Variants in RUNX2 observed in about 807,000 individuals in gnomAD.
RUNX2 encodes the protein runt-related transcription factor 2.
Under a neutral mutation model 51.7 loss-of-function variants are expected in RUNX2, and 10 were observed. The ratio of observed to expected loss-of-function variants is 0.19; its 90% CI spans 0.12 to 0.33. The LOEUF is 0.33. RUNX2 is among the 10% of genes least tolerant of loss of function. The pLI is 1.00. For synonymous variants in RUNX2, 276 were observed against 273.6 expected, an observed-to-expected ratio of 1.01 and a Z score of -0.09; for missense variants, 562 against 691.3, an observed-to-expected ratio of 0.81 and a Z score of 2.10.
chr6:45,398,871 CTG>C (rs1797637143), intron 2 of RUNX2, among the ~76,000 whole-genome samples: 1 of 152,182 alleles, frequency 6.6e-6, no homozygotes, highest in Non-Finnish European at 1.5e-5. Context: ...TTGAGACACA[CTG>C]TGGCTATGTA....
chr6:45,339,530 A>G (rs1304047546), intron 2 of RUNX2, among the ~76,000 whole-genome samples: 1 of 152,162 alleles, frequency 6.6e-6, no homozygotes, highest in African/African-American at 2.4e-5. Context: ...TAGAGGTGAT[A>G]GTCAATGGTT....
chr6:45,545,401 A>G, intron 8 of RUNX2, 119 bp downstream of exon 8: 4 of 1,095,718 alleles, frequency 3.7e-6, no homozygotes, highest in Non-Finnish European at 3.8e-6. Context: ...GTCACTTTTT[A>G]TTACAAATGC....
At chr6:45,350,822 T>C (rs1042412303) in intron 2 of RUNX2, among the ~76,000 whole-genome samples, 1 of 152,152 alleles carries the variant, frequency 6.6e-6, no homozygotes, top group African/African-American at 2.4e-5. Flanking sequence ...ATGAAGTCTT[T>C]ACATTTTCAG....
At chr6:45,447,116 A>AT (rs1332674884) in intron 5 of RUNX2, among the ~76,000 whole-genome samples, 1 of 152,214 alleles carries the variant, frequency 6.6e-6, no homozygotes, top group African/African-American at 2.4e-5. Flanking sequence ...ACATAGAATC[A>AT]TTTTTTGGGA....
intron 6 of RUNX2, among the ~76,000 whole-genome samples, chr6:45,493,731 T>TGC (rs1800556561): frequency 3.9e-5 from 2 of 50,736 alleles, no homozygotes; most frequent in South Asian, 1.0e-3. Flanking sequence ...ATCCTTAGAC[T>TGC]GTGTGTGTGT....
chr6:45,328,797 A>T lies in RUNX2; in HGVS notation c.58+13A>T. The T allele has an allele frequency of 1.9e-6, 3 of 1,611,394 alleles. No homozygotes were observed. On this transcript the variant is annotated intron_variant, in intron 2 of 8. Transcript: ENST00000647337. ...AACTTCTTTTGGGGTAAGTGTTACC[A>T]TTTTTAAAATCCTGTAAGATATGAA... is the stretch of plus-strand genomic sequence containing the variant.
rs35210688 is a variant in RUNX2 at position 45,519,790 on chromosome 6, ATGTGTGTGTGTGTGTG to A, written c.1021+7415_1021+7430del. ...AGGATGCTATTATATATATATATAT[ATGTGTGTGTGTGTGTG>A]TGTGTGTGTGTGTGTGTGTGTGTGT... is the stretch of plus-strand genomic sequence containing the variant. On this transcript the variant is annotated intron_variant, in intron 7 of 8. Transcript: ENST00000647337. Among the ~76,000 whole-genome samples, 673 of 124,124 alleles carry A rather than the reference ATGTGTGTGTGTGTGTG, an allele frequency of 5.4e-3. 10 individuals carry two copies. The highest frequency in any genetic ancestry group is 0.032 in the East Asian group (150 of 4,620). 81.4% of individuals were successfully genotyped at this position (124,124 alleles called of 152,430 possible). A position where few individuals can be genotyped will look rare whatever the true frequency, so the allele number is the denominator to read the frequency against.
chr6:45,439,177 G>C (rs115354589), intron 5 of RUNX2, among the ~76,000 whole-genome samples: 2,122 of 152,248 alleles, frequency 0.014, 28 homozygotes, highest in Non-Finnish European at 0.021. Flanking sequence ...CTGCTTGCCT[G>C]AACTAGGGAG....
At chr6:45,458,738 C>G (rs921484819) in intron 5 of RUNX2, among the ~76,000 whole-genome samples, 5 of 152,172 alleles carry the variant, frequency 3.3e-5, no homozygotes, top group African/African-American at 1.2e-4. Context: ...ACATAAAACT[C>G]ATATGTAATA....
chr6:45,375,458 T>G (rs778002262), intron 2 of RUNX2, among the ~76,000 whole-genome samples: 15 of 152,344 alleles, frequency 9.8e-5, no homozygotes, highest in Middle Eastern at 3.4e-3. Context: ...TTGTATATTA[T>G]GAGCTATTCT....
At chr6:45,353,307 C>A (rs972274244) in intron 2 of RUNX2, among the ~76,000 whole-genome samples, 2 of 151,796 alleles carry the variant, frequency 1.3e-5, no homozygotes, top group African/African-American at 4.8e-5. Context: ...AAAAATTCAT[C>A]TGGAAAAATA....
intron 5 of RUNX2, among the ~76,000 whole-genome samples, chr6:45,442,155 T>A (rs1329135851): frequency 6.6e-6 from 1 of 152,260 alleles, no homozygotes; most frequent in African/African-American, 2.4e-5. Context: ...AGCCGATGAC[T>A]TATTAGAACC....
chr6:45,501,236 C>T (rs1257171098), intron 6 of RUNX2, among the ~76,000 whole-genome samples: 1 of 152,162 alleles, frequency 6.6e-6, no homozygotes, highest in Non-Finnish European at 1.5e-5. Context: ...TTAATATATC[C>T]CAAGTTTGTG....
intron 2 of RUNX2, among the ~76,000 whole-genome samples, chr6:45,400,775 G>A (rs1017217774): frequency 2.0e-5 from 3 of 152,156 alleles, no homozygotes; most frequent in African/African-American, 7.2e-5. Flanking sequence ...GAGCTTTACC[G>A]AAGGTAAAGA....
intron 7 of RUNX2, among the ~76,000 whole-genome samples, chr6:45,527,162 G>C (rs1449580558): frequency 1.3e-5 from 2 of 152,156 alleles, no homozygotes; most frequent in Non-Finnish European, 2.9e-5. Context: ...GGGCCCAGAG[G>C]TGGGAAGACT....
chr6:45,422,329 G>C, intron 2 of RUNX2: 2 of 428,818 alleles, frequency 4.7e-6, no homozygotes, highest in Middle Eastern at 6.2e-4. Flanking sequence ...CAAAGACTCC[G>C]GCAAAGATCT....
intron 7 of RUNX2, among the ~76,000 whole-genome samples, chr6:45,530,268 T>C (rs771158178): frequency 3.9e-5 from 6 of 152,224 alleles, no homozygotes; most frequent in African/African-American, 1.4e-4. Context: ...TTATAGAATG[T>C]CTAGTTAGAA....
At chr6:45,416,519 G>T (rs1798071499) in intron 2 of RUNX2, among the ~76,000 whole-genome samples, 2 of 152,032 alleles carry the variant, frequency 1.3e-5, no homozygotes, top group Admixed American at 1.3e-4. Flanking sequence ...TTTAATTTTA[G>T]GGTGTTCTTA....
chr6:45,358,735 A>G (rs1793700041), intron 2 of RUNX2, among the ~76,000 whole-genome samples: 2 of 152,172 alleles, frequency 1.3e-5, no homozygotes, highest in African/African-American at 4.8e-5. Context: ...GATTTTTGAA[A>G]GTTAATACTG....
Sources: gnomAD v4.1 joint callset for allele counts (sites outside exome capture counted in the v4.1 genomes callset) on GRCh38, gnomAD v4.1.1 for gene constraint, MANE v1.5 for transcripts, NCBI Gene and HGNC (gene_info 2026-07-23, HGNC 2026-07-21) for gene names.